UIMC1: variants seen among roughly 807,000 people sequenced by gnomAD.
UIMC1 encodes the protein BRCA1-A complex subunit RAP80.
UIMC1 carries 42 observed loss-of-function variants against 84.9 expected under a neutral mutation model. That is an observed-to-expected ratio of 0.49 (90% CI 0.39 to 0.64). UIMC1 has a LOEUF of 0.64. Ranked by LOEUF, UIMC1 falls within the 30% of genes least tolerant of loss-of-function variation. UIMC1 has a pLI of 0.00. For missense variants in UIMC1, 825 were observed against 847.6 expected (o/e 0.97, Z 0.33); for synonymous variants, 281 against 293.0 (o/e 0.96, Z 0.42).
intron 1 of UIMC1, among the ~76,000 whole-genome samples, chr5:177,020,065 A>T (rs1040689638): frequency 6.6e-6 from 1 of 152,248 alleles, no homozygotes; most frequent in African/African-American, 2.4e-5. Flanking sequence ...TACTTGTAGT[A>T]TAAATGACTA....
intron 1 of UIMC1, among the ~76,000 whole-genome samples, chr5:177,000,453 A>G (rs1228994911): frequency 3.4e-5 from 5 of 148,698 alleles, no homozygotes; most frequent in Non-Finnish European, 4.4e-5. Flanking sequence ...CTGATGACCA[A>G]TAATGTTGAA....
intron 9 of UIMC1, among the ~76,000 whole-genome samples, chr5:176,951,021 T>G (rs1765820867): frequency 6.6e-6 from 1 of 152,178 alleles, no homozygotes; most frequent in Non-Finnish European, 1.5e-5. Context: ...ACAGCTATCT[T>G]GACTTTGCAT....
chr5:177,018,803 A>G (rs1054947729), intron 1 of UIMC1, among the ~76,000 whole-genome samples: 1 of 152,114 alleles, frequency 6.6e-6, no homozygotes, highest in African/African-American at 2.4e-5. Flanking sequence ...CCCTGACAGC[A>G]CTCATTGGAG....
intron 10 of UIMC1, among the ~76,000 whole-genome samples, chr5:176,939,268 A>AG (rs1764125218): frequency 1.3e-5 from 2 of 151,614 alleles, no homozygotes; most frequent in Admixed American, 6.6e-5. Flanking sequence ...AAAAAAAAAA[A>AG]AAAAGAAAAA....
At chr5:177,000,407 G>A (rs1182034815) in intron 1 of UIMC1, among the ~76,000 whole-genome samples, 1 of 151,808 alleles carries the variant, frequency 6.6e-6, no homozygotes, top group African/African-American at 2.4e-5. Context: ...TTTAACTGGG[G>A]TGAGATATTT....
At chr5:176,957,785 G>A (rs1766789096) in intron 7 of UIMC1, among the ~76,000 whole-genome samples, 1 of 152,188 alleles carries the variant, frequency 6.6e-6, no homozygotes, top group Admixed American at 6.5e-5. Context: ...TAGAAAACTA[G>A]TGTAATTAGT....
At chr5:176,942,517 T>C (rs1213080396) in intron 10 of UIMC1, among the ~76,000 whole-genome samples, 1 of 139,368 alleles carries the variant, frequency 7.2e-6, no homozygotes, top group Non-Finnish European at 1.6e-5. Flanking sequence ...CCGAGGCAGG[T>C]GGATCACGAG....
intron 10 of UIMC1, among the ~76,000 whole-genome samples, chr5:176,913,284 G>C (rs1760503460): frequency 6.6e-6 from 1 of 152,040 alleles, no homozygotes; most frequent in East Asian, 1.9e-4. Context: ...CCTCCAGATT[G>C]GTATTATTAC....
At chr5:176,955,573 G>A (rs1038345330) in intron 8 of UIMC1, among the ~76,000 whole-genome samples, 22 of 152,052 alleles carry the variant, frequency 1.4e-4, no homozygotes, top group African/African-American at 5.1e-4. Flanking sequence ...CAGGCTGGCT[G>A]ACAAAATAAT....
At chr5:176,954,017 G>C (rs1766256157) in intron 8 of UIMC1, among the ~76,000 whole-genome samples, 1 of 152,164 alleles carries the variant, frequency 6.6e-6, no homozygotes. Context: ...TTAGCAAAAG[G>C]AACATTAATG....
intron 2 of UIMC1, among the ~76,000 whole-genome samples, chr5:176,978,831 T>C (rs1258817392): frequency 6.6e-6 from 1 of 152,076 alleles, no homozygotes; most frequent in Admixed American, 6.6e-5. Flanking sequence ...TACTAGTAAA[T>C]AAGCAATTAA....
At chr5:176,931,638 T>C (rs1763096978) in intron 10 of UIMC1, among the ~76,000 whole-genome samples, 2 of 152,230 alleles carry the variant, frequency 1.3e-5, no homozygotes, top group African/African-American at 4.8e-5. Context: ...CAATGCAACC[T>C]AGTGGAGCTG....
chr5:176,941,173 CATTAGAAA>C (rs1392663043), intron 10 of UIMC1, among the ~76,000 whole-genome samples: 1 of 152,118 alleles, frequency 6.6e-6, no homozygotes, highest in Non-Finnish European at 1.5e-5. Context: ...ATTATGTAGG[CATTAGAAA>C]TATTTTTATA....
chr5:177,016,689 C>A (rs1775678394), intron 1 of UIMC1, among the ~76,000 whole-genome samples: 1 of 151,598 alleles, frequency 6.6e-6, no homozygotes, highest in Non-Finnish European at 1.5e-5. Context: ...CCACTGCACT[C>A]CAGCCTGGCA....
In UIMC1 at chr5:177,002,638, A is replaced by G. The variant is rs188589546; in HGVS notation, c.-9+4012T>C. Reference sequence around the variant, plus strand: ...AACACGGTGAAACCCCGTCTCTACTAAAAATACAAAGAATCAACCGGGCGT... The same window carrying G: ...AACACGGTGAAACCCCGTCTCTACTGAAAATACAAAGAATCAACCGGGCGT... On this transcript the variant is annotated intron_variant, in intron 1 of 14. Coordinates refer to ENST00000511320, the MANE Select transcript of UIMC1 (RefSeq NM_001199298.2). Among the ~76,000 whole-genome samples the G allele has an allele frequency of 7.3e-3, 1,103 of 152,130 alleles. 3 individuals are homozygous for G. Among genetic ancestry groups the G allele is most frequent in the South Asian group, 0.011 (53 of 4,822 alleles).
intron 10 of UIMC1, among the ~76,000 whole-genome samples, chr5:176,929,503 G>A (rs1305970509): frequency 6.6e-6 from 1 of 151,896 alleles, no homozygotes; most frequent in Non-Finnish European, 1.5e-5. Context: ...GGAGGCAGAG[G>A]TTGCAGTGAG....
intron 9 of UIMC1, among the ~76,000 whole-genome samples, chr5:176,949,354 A>T (rs1427196046): frequency 6.6e-6 from 1 of 152,226 alleles, no homozygotes; most frequent in Non-Finnish European, 1.5e-5. Context: ...AGACGTGTAC[A>T]CCATAAATTC....
At chr5:176,948,628 G>C (rs1765433053) in intron 9 of UIMC1, among the ~76,000 whole-genome samples, 1 of 152,184 alleles carries the variant, frequency 6.6e-6, no homozygotes, top group Non-Finnish European at 1.5e-5. Context: ...TGCAGGGACT[G>C]TTTTTCTTAT....
intron 10 of UIMC1, among the ~76,000 whole-genome samples, chr5:176,923,895 A>G (rs1259238354): frequency 3.1e-5 from 4 of 127,730 alleles, no homozygotes; most frequent in Non-Finnish European, 6.3e-5. Flanking sequence ...ATATACACAC[A>G]CACAGACACA....
Sources: allele counts gnomAD v4.1 joint callset (sites outside exome capture counted in the v4.1 genomes callset), GRCh38; gene constraint gnomAD v4.1.1; transcripts MANE v1.5; gene names NCBI Gene and HGNC (gene_info 2026-07-23, HGNC 2026-07-21).